The following PBX1 variants were observed in gnomAD, a reference collection of about 807,000 sequenced individuals.
PBX1 encodes the protein PBX homeobox 1.
Under a neutral mutation model 53.4 loss-of-function variants are expected in PBX1, and 6 were observed. The ratio of observed to expected loss-of-function variants is 0.11; its 90% CI spans 0.06 to 0.22. The LOEUF (loss-of-function observed/expected upper bound fraction) is 0.22, where lower values mean the gene tolerates loss of function less well. Ranked by LOEUF, PBX1 falls within the 10% of genes least tolerant of loss-of-function variation. The pLI is 1.00. For synonymous variants in PBX1, 204 were observed against 212.3 expected, an observed-to-expected ratio of 0.96 and a Z score of 0.34; for missense variants, 251 against 551.4, an observed-to-expected ratio of 0.46 and a Z score of 5.46.
At chr1:164,718,695 G>A (rs1664249165) in intron 2 of PBX1, among the ~76,000 whole-genome samples, 3 of 152,148 alleles carry the variant, frequency 2.0e-5, no homozygotes, top group African/African-American at 4.8e-5. Context: ...CAATGACAGA[G>A]GTTGCCTGAC....
intron 2 of PBX1, among the ~76,000 whole-genome samples, chr1:164,876,814 GC>G (rs1558056275): frequency 6.6e-6 from 1 of 152,114 alleles, no homozygotes; most frequent in East Asian, 1.9e-4. Context: ...ATTTATCACA[GC>G]CCCCAAATGC....
intron 2 of PBX1, among the ~76,000 whole-genome samples, chr1:164,567,367 T>C (rs1223199156): frequency 6.6e-6 from 1 of 152,146 alleles, no homozygotes; most frequent in Non-Finnish European, 1.5e-5. Context: ...GTCATTTTTG[T>C]AGAAGGTCAT....
rs538670380 is a variant in PBX1, at chr1:164,582,302, A to G, written c.265+18991A>G. The stretch of plus-strand genomic sequence containing the variant: ...TGTGCTTCCTAGTAGCAAAAGCAAA[A>G]AAGGGAAATAGGATCCGTTTCAAAT... On this transcript the variant is annotated intron_variant, in intron 2 of 8. Coordinates refer to ENST00000420696, the MANE Select transcript of PBX1 (RefSeq NM_002585.4). Among the ~76,000 whole-genome samples, 216 of 152,342 alleles carry G rather than the reference A, an allele frequency of 1.4e-3. 1 individual carries two copies. The highest frequency in any genetic ancestry group is 2.0e-3 in the Non-Finnish European group (134 of 68,032).
Position 164,846,672 on chromosome 1 carries a change from A to G in PBX1, c.1289A>G (p.Asn430Ser). The change falls in exon 9 of 9, where the codon AAC becomes AGC. Residue 430 changes from asparagine to serine, a missense_variant. Asn to Ser is a conservative substitution (Grantham distance 46, BLOSUM62 1). Coordinates refer to ENST00000420696, the MANE Select transcript of PBX1 (RefSeq NM_002585.4). ...GPGSVHSDTS[N>S] ...GGCAGTGTTCACTCTGATACCTCCA[A>G]CTGATCTCCCAGCAATCGCATCCCG... 2 of 1,614,094 alleles carry G rather than the reference A, an allele frequency of 1.2e-6. No individual in the cohort carries two copies. Among genetic ancestry groups the G allele is most frequent in the South Asian group, 1.1e-5 (1 of 91,080 alleles).
At chr1:164,832,612 C>T (rs10753649) in intron 8 of PBX1, among the ~76,000 whole-genome samples, 41,485 of 151,652 alleles carry the variant, frequency 0.27, 5,883 homozygotes, top group Middle Eastern at 0.37. Flanking sequence ...ATATGATAGC[C>T]TGCAAGGGTA....
intron 2 of PBX1, among the ~76,000 whole-genome samples, chr1:164,739,916 C>T (rs1221701716): frequency 6.6e-6 from 1 of 151,960 alleles, no homozygotes; most frequent in African/African-American, 2.4e-5. Flanking sequence ...TTTCTCTAGG[C>T]CCCAATACTA....
At chr1:164,646,317 T>A (rs1659449885) in intron 2 of PBX1, among the ~76,000 whole-genome samples, 1 of 152,218 alleles carries the variant, frequency 6.6e-6, no homozygotes, top group South Asian at 2.1e-4. Flanking sequence ...ATCAATCTGA[T>A]GTTTTTGGCA....
chr1:164,801,032 A>G (rs985685088), intron 4 of PBX1, among the ~76,000 whole-genome samples: 2 of 152,162 alleles, frequency 1.3e-5, no homozygotes, highest in South Asian at 4.1e-4. Context: ...GGACCTCTTT[A>G]AAACGCCCTG....
At chr1:164,827,566 T>C (rs1271701780) in intron 8 of PBX1, among the ~76,000 whole-genome samples, 2 of 152,194 alleles carry the variant, frequency 1.3e-5, no homozygotes, top group Non-Finnish European at 2.9e-5. Context: ...ACAAAACTAT[T>C]GGGAAACAGA....
intron 2 of PBX1, among the ~76,000 whole-genome samples, chr1:164,686,538 G>T (rs1044689456): frequency 6.6e-6 from 1 of 152,146 alleles, no homozygotes; most frequent in Non-Finnish European, 1.5e-5. Context: ...GCACTTTAAG[G>T]TATCAGAAGG....
chr1:164,619,377 A>C (rs531323678), intron 2 of PBX1, among the ~76,000 whole-genome samples: 10 of 152,098 alleles, frequency 6.6e-5, no homozygotes, highest in Non-Finnish European at 1.3e-4. Context: ...TCTGCCCCAA[A>C]CTGCACTTTG....
At chr1:164,710,375 T>C (rs374889762) in intron 2 of PBX1, among the ~76,000 whole-genome samples, 18 of 152,264 alleles carry the variant, frequency 1.2e-4, no homozygotes, top group African/African-American at 4.3e-4. Context: ...ATTGAGCGTG[T>C]AGGCAGGCAG....
intron 8 of PBX1, among the ~76,000 whole-genome samples, chr1:164,823,785 T>C (rs903856000): frequency 6.6e-6 from 1 of 150,744 alleles, no homozygotes; most frequent in African/African-American, 2.4e-5. Context: ...TTTGCATTAA[T>C]TTTTTTTTCC....
chr1:164,586,099 G>T (rs1161234804), intron 2 of PBX1, among the ~76,000 whole-genome samples: 1 of 152,188 alleles, frequency 6.6e-6, no homozygotes, highest in Non-Finnish European at 1.5e-5. Flanking sequence ...CATGTTGAAA[G>T]AACTGTAAAT....
intron 2 of PBX1, among the ~76,000 whole-genome samples, chr1:164,772,456 A>C (rs548767414): frequency 6.6e-6 from 1 of 152,298 alleles, no homozygotes; most frequent in East Asian, 1.9e-4. Flanking sequence ...TGTTTATAAA[A>C]CTCACAACTG....
In PBX1 at chr1:164,716,729, C is replaced by CACACAG. The variant is rs796685795; in HGVS notation, c.266-75764_266-75763insCACAGA. On this transcript the variant is annotated intron_variant, in intron 2 of 8. Coordinates refer to ENST00000420696, the MANE Select transcript of PBX1 (RefSeq NM_002585.4). ...ACACACACACACACACACACACACACAGAAATACACGAAGAGAAGAAAAAA... is the reference window on the plus strand; with the variant it reads ...ACACACACACACACACACACACACACACACAGAGAAATACACGAAGAGAAGAAAAAA... 2.6e-3 allele frequency among the ~76,000 whole-genome samples: 365 copies of CACACAG among 140,420 alleles called. 3 individuals carry two copies. The highest frequency in any genetic ancestry group is 9.2e-3 in the African/African-American group (355 of 38,400). The allele number at this position is 140,420 out of a possible 152,430, so 92.1% of individuals were successfully genotyped here. A position where few individuals can be genotyped will look rare whatever the true frequency, so the allele number is the denominator to read the frequency against.
intron 2 of PBX1, among the ~76,000 whole-genome samples, chr1:164,873,601 G>T (rs1413115833): frequency 6.6e-6 from 1 of 152,164 alleles, no homozygotes; most frequent in East Asian, 1.9e-4. Context: ...GCTGGGAGAT[G>T]GGGGGCAGGG....
At chr1:164,652,391 A>G (rs576423549) in intron 2 of PBX1, among the ~76,000 whole-genome samples, 2 of 152,278 alleles carry the variant, frequency 1.3e-5, no homozygotes, top group East Asian at 1.9e-4. Context: ...TCTCTTTTCT[A>G]TATAACCTTG....
intron 4 of PBX1, among the ~76,000 whole-genome samples, chr1:164,801,149 TAGAATAAGTC>T (rs1284785918): frequency 6.6e-6 from 1 of 152,180 alleles, no homozygotes; most frequent in African/African-American, 2.4e-5. Flanking sequence ...TAGAATTCCA[TAGAATAAGTC>T]AAGAGAAAGT....
Sources: gnomAD v4.1 joint callset for allele counts (sites outside exome capture counted in the v4.1 genomes callset) on GRCh38, gnomAD v4.1.1 for gene constraint, MANE v1.5 for transcripts, NCBI Gene and HGNC (gene_info 2026-07-23, HGNC 2026-07-21) for gene names.